The following MMP26 variants were observed in gnomAD, a reference collection of about 807,000 sequenced individuals.
MMP26 encodes the protein matrix metalloproteinase-26.
MMP26 carries 33 observed loss-of-function variants against 31.0 expected under a neutral mutation model. The ratio of observed to expected loss-of-function variants is 1.06; its 90% CI spans 0.81 to 1.42. The LOEUF (loss-of-function observed/expected upper bound fraction) is 1.42, where lower values mean the gene tolerates loss of function less well. Among genes scored for constraint, MMP26 ranks in the 40% most tolerant of loss-of-function variants. MMP26 has a pLI of 0.00. For synonymous variants in MMP26, 122 were observed against 114.9 expected, an observed-to-expected ratio of 1.06 and a Z score of -0.40; for missense variants, 347 against 316.1, an observed-to-expected ratio of 1.10 and a Z score of -0.74.
At chr11:4,912,046 A>G (rs755484320) in intron 2 of MMP26, among the ~76,000 whole-genome samples, 14 of 152,044 alleles carry the variant, frequency 9.2e-5, no homozygotes, top group Non-Finnish European at 1.9e-4. Context: ...GGGATCCCTC[A>G]TTTATTTAAC....
chr11:4,822,539 A>T (rs1289963941), intron 2 of MMP26: 3 of 543,790 alleles, frequency 5.5e-6, no homozygotes, highest in African/African-American at 3.9e-5. Flanking sequence ...AATTCATGTC[A>T]TTGCCAACTA....
intron 2 of MMP26, among the ~76,000 whole-genome samples, chr11:4,987,349 G>C (rs2133647407): frequency 6.6e-6 from 1 of 151,638 alleles, no homozygotes; most frequent in South Asian, 2.1e-4. Context: ...CTCTTTCTGT[G>C]TTTTTCTAGA....
chr11:4,742,912 T>A (rs1255997318), intron 1 of MMP26, among the ~76,000 whole-genome samples: 1 of 152,168 alleles, frequency 6.6e-6, no homozygotes, highest in Non-Finnish European at 1.5e-5. Context: ...TTACAGGGTA[T>A]TAGCCATGCA....
At chr11:4,786,036 T>C (rs1848938871) in intron 2 of MMP26, among the ~76,000 whole-genome samples, 1 of 152,178 alleles carries the variant, frequency 6.6e-6, no homozygotes, top group Non-Finnish European at 1.5e-5. Context: ...TTCTCCAATC[T>C]TGATGGACCT....
chr11:4,722,553 T>C (rs1450171283), intron 1 of MMP26, among the ~76,000 whole-genome samples: 1 of 150,704 alleles, frequency 6.6e-6, no homozygotes, highest in African/African-American at 2.4e-5. Context: ...TGAATTGTTT[T>C]GTAGCTGGAG....
intron 2 of MMP26, among the ~76,000 whole-genome samples, chr11:4,815,387 T>C (rs965025394): frequency 1.3e-5 from 2 of 152,298 alleles, no homozygotes; most frequent in East Asian, 1.9e-4. Flanking sequence ...AAGAATTTCC[T>C]TGTGGGCAAA....
intron 2 of MMP26, among the ~76,000 whole-genome samples, chr11:4,785,353 C>T (rs1848925915): frequency 6.6e-6 from 1 of 152,168 alleles, no homozygotes; most frequent in Non-Finnish European, 1.5e-5. Context: ...TCCCCTAATT[C>T]ATATCTAGGT....
At chr11:4,775,743 T>TGAGAGAGAGAGA in intron 2 of MMP26, among the ~76,000 whole-genome samples, 1 of 141,076 alleles carries the variant, frequency 7.1e-6, no homozygotes, top group African/African-American at 2.8e-5. Flanking sequence ...AGAGAGGAAG[T>TGAGAGAGAGAGA]GAGTGAGAGA....
At chr11:4,916,357 GC>G (rs1028923037) in intron 2 of MMP26, among the ~76,000 whole-genome samples, 1 of 150,792 alleles carries the variant, frequency 6.6e-6, no homozygotes, top group African/African-American at 2.4e-5. Flanking sequence ...ATTCCTCTTG[GC>G]CCTATTTAAC....
intron 1 of MMP26, among the ~76,000 whole-genome samples, chr11:4,758,136 T>C (rs982467623): frequency 1.3e-5 from 2 of 152,042 alleles, no homozygotes; most frequent in Non-Finnish European, 2.9e-5. Flanking sequence ...GTGAACAAAT[T>C]GTGAAATATC....
Position 4,759,752 on chromosome 11 carries a change from G to A in MMP26, c.-216-7518G>A, listed in dbSNP as rs146926617. ...AGCTTCTTTGGTGTTTTCCAACGTAGTGTTTCTTCATCTAATCCAAGGACA... is the reference window on the plus strand; with the variant it reads ...AGCTTCTTTGGTGTTTTCCAACGTAATGTTTCTTCATCTAATCCAAGGACA... On this transcript the variant is annotated intron_variant, in intron 1 of 7. Transcript: ENST00000380390. Among the ~76,000 whole-genome samples the A allele has an allele frequency of 2.3e-3, 346 of 152,256 alleles. 5 individuals carry two copies. Among genetic ancestry groups the A allele is most frequent in the African/African-American group, 8.0e-3 (331 of 41,530 alleles).
intron 2 of MMP26, among the ~76,000 whole-genome samples, chr11:4,927,240 T>G (rs999737708): frequency 1.3e-5 from 2 of 152,190 alleles, no homozygotes; most frequent in Non-Finnish European, 2.9e-5. Flanking sequence ...GTCTCCAAAG[T>G]ATCTTCGAAG....
At chr11:4,966,408 G>A (rs535701609) in intron 2 of MMP26, among the ~76,000 whole-genome samples, 20 of 152,088 alleles carry the variant, frequency 1.3e-4, no homozygotes, top group Admixed American at 2.0e-4. Flanking sequence ...AGGCATCATC[G>A]GGGGAATGGT....
chr11:4,775,742 G>T (rs979426035), intron 2 of MMP26, among the ~76,000 whole-genome samples: 6 of 149,652 alleles, frequency 4.0e-5, no homozygotes, highest in African/African-American at 1.5e-4. Context: ...AAGAGAGGAA[G>T]TGAGTGAGAG....
At chr11:4,768,022 C>G (rs1848654052) in intron 2 of MMP26, among the ~76,000 whole-genome samples, 1 of 152,082 alleles carries the variant, frequency 6.6e-6, no homozygotes, top group African/African-American at 2.4e-5. Flanking sequence ...AATTCTTTAC[C>G]TTGGTTCTTT....
chr11:4,987,898 C>T (rs566512413), intron 2 of MMP26, among the ~76,000 whole-genome samples, 170 bp from the exon 3 acceptor site: 1 of 151,702 alleles, frequency 6.6e-6, no homozygotes, highest in South Asian at 2.1e-4. Flanking sequence ...TTCTTGTTTT[C>T]CCCCCTATTT....
Position 4,950,781 on chromosome 11 carries a change from A to G in MMP26, c.-144-37287A>G, listed in dbSNP as rs904869976. ...AAAATAGGCAATGCACTTGACTTGC[A>G]CTGTTCAATTTGCATTTGGAAAAAT... On this transcript the variant is annotated intron_variant, in intron 2 of 7. Coordinates refer to ENST00000380390, the MANE Select transcript of MMP26 (RefSeq NM_021801.5). Among the ~76,000 whole-genome samples, 6 of 123,612 alleles carry G rather than the reference A, an allele frequency of 4.9e-5. 3 individuals are homozygous for G. The highest frequency in any genetic ancestry group is 7.3e-5 in the Non-Finnish European group (4 of 54,498). The allele number at this position is 123,612 out of a possible 152,430, so 81.1% of individuals were successfully genotyped here. A position where few individuals can be genotyped will look rare whatever the true frequency, so the allele number is the denominator to read the frequency against.
chr11:4,816,162 A>C (rs943951272), intron 2 of MMP26, among the ~76,000 whole-genome samples: 3 of 152,092 alleles, frequency 2.0e-5, no homozygotes, highest in Admixed American at 6.5e-5. Flanking sequence ...TTTAATTTCC[A>C]TGTGTTTGTA....
intron 2 of MMP26, among the ~76,000 whole-genome samples, chr11:4,917,990 G>A (rs568143618): frequency 6.6e-6 from 1 of 150,664 alleles, no homozygotes; most frequent in Non-Finnish European, 1.5e-5. Flanking sequence ...AAATGAAATA[G>A]GATGGTGAAG....
Sources: gnomAD v4.1 joint callset for allele counts (sites outside exome capture counted in the v4.1 genomes callset) on GRCh38, gnomAD v4.1.1 for gene constraint, MANE v1.5 for transcripts, NCBI Gene and HGNC (gene_info 2026-07-23, HGNC 2026-07-21) for gene names.